MEI4: variants seen among roughly 807,000 people sequenced by gnomAD.
The protein encoded by MEI4 is meiosis-specific protein MEI4.
MEI4 carries 27 observed loss-of-function variants against 31.4 expected under a neutral mutation model. The observed-to-expected ratio is 0.86, with a 90% CI of 0.63 to 1.19. The LOEUF (loss-of-function observed/expected upper bound fraction) is 1.19. Among genes scored for constraint, MEI4 ranks in the 50% most tolerant of loss-of-function variants. MEI4 has a pLI of 0.00. For missense variants in MEI4, 329 were observed against 398.9 expected (o/e 0.82, Z 1.49); for synonymous variants, 122 against 145.4 (o/e 0.84, Z 1.16).
intron 3 of MEI4, among the ~76,000 whole-genome samples, chr6:77,824,059 A>G (rs1391904776): frequency 2.0e-5 from 3 of 152,198 alleles, no homozygotes; most frequent in African/African-American, 7.2e-5. Flanking sequence ...GATATGATAC[A>G]TTTGGGTATG....
intron 4 of MEI4, among the ~76,000 whole-genome samples, chr6:77,910,714 G>C (rs910723521): frequency 2.0e-5 from 3 of 151,974 alleles, no homozygotes; most frequent in African/African-American, 4.8e-5. Context: ...TTGTGAATAG[G>C]GTTCCAGTGA....
chr6:77,773,847 A>G (rs1018011940), intron 3 of MEI4, among the ~76,000 whole-genome samples: 4 of 152,014 alleles, frequency 2.6e-5, no homozygotes, highest in Non-Finnish European at 5.9e-5. Context: ...TGATTTTTAA[A>G]TGGGCAAATA....
chr6:77,803,820 C>G (rs1000015377), intron 3 of MEI4, among the ~76,000 whole-genome samples: 1 of 152,128 alleles, frequency 6.6e-6, no homozygotes, highest in East Asian at 1.9e-4. Context: ...GCTGCCCGAT[C>G]GTTCCTATGG....
intron 2 of MEI4, among the ~76,000 whole-genome samples, chr6:77,702,266 G>A (rs937785254): frequency 2.6e-5 from 4 of 152,138 alleles, no homozygotes; most frequent in African/African-American, 9.7e-5. Flanking sequence ...CTGACTTACC[G>A]ACACAACTGT....
intron 4 of MEI4, among the ~76,000 whole-genome samples, chr6:77,872,016 A>G (rs1338411508): frequency 2.6e-5 from 4 of 152,228 alleles, no homozygotes; most frequent in Non-Finnish European, 5.9e-5. Flanking sequence ...AATTTCCCCA[A>G]GACTCCAAGT....
intron 1 of MEI4, among the ~76,000 whole-genome samples, chr6:77,669,670 C>T (rs1025170682): frequency 6.6e-6 from 1 of 152,202 alleles, no homozygotes; most frequent in Non-Finnish European, 1.5e-5. Flanking sequence ...TACACATCCT[C>T]CTAAATATAC....
At chr6:77,909,493 C>G (rs979272820) in intron 4 of MEI4, among the ~76,000 whole-genome samples, 1 of 152,054 alleles carries the variant, frequency 6.6e-6, no homozygotes, top group Non-Finnish European at 1.5e-5. Flanking sequence ...ATACACCCTC[C>G]CAAGACTAAA....
chr6:77,886,967 T>C (rs1467513135), intron 4 of MEI4, among the ~76,000 whole-genome samples: 1 of 152,138 alleles, frequency 6.6e-6, no homozygotes, highest in Non-Finnish European at 1.5e-5. Flanking sequence ...AGTTCTGCTC[T>C]ATTCCTTATT....
In MEI4 at chr6:77,788,141, A is replaced by G. The variant is rs557635465; in HGVS notation, c.768+26476A>G. Among the ~76,000 whole-genome samples, 158 of 152,358 alleles carry G rather than the reference A, an allele frequency of 1.0e-3. 1 individual carries two copies. In the South Asian group the frequency reaches 0.012, roughly 12 times the overall value. On this transcript the variant is annotated intron_variant, in intron 3 of 4. Coordinates refer to ENST00000684080, the MANE Select transcript of MEI4 (RefSeq NM_001322247.2). The stretch of plus-strand genomic sequence containing the variant: ...GTAATCCAGCATATAAACAGAACCA[A>G]TGACAAAAACCACATGATTATCTCA...
At chr6:77,861,618 T>C (rs2127721296) in intron 4 of MEI4, among the ~76,000 whole-genome samples, 1 of 152,316 alleles carries the variant, frequency 6.6e-6, no homozygotes, top group Non-Finnish European at 1.5e-5. Context: ...ATGTTGCAAG[T>C]GCATTCTCTG....
At chr6:77,728,037 G>A (rs1766871105) in intron 2 of MEI4, among the ~76,000 whole-genome samples, 1 of 152,228 alleles carries the variant, frequency 6.6e-6, no homozygotes, top group Non-Finnish European at 1.5e-5. Context: ...GACGAATGTG[G>A]TTGAGAGAGT....
At chr6:77,773,299 G>A (rs918108560) in intron 3 of MEI4, among the ~76,000 whole-genome samples, 42 of 151,962 alleles carry the variant, frequency 2.8e-4, no homozygotes, top group South Asian at 6.2e-4. Flanking sequence ...GAGAGCTGTA[G>A]TCATCAAAAT....
intron 4 of MEI4, among the ~76,000 whole-genome samples, chr6:77,865,082 G>C (rs1443462371): frequency 3.3e-5 from 5 of 152,130 alleles, no homozygotes; most frequent in Non-Finnish European, 7.3e-5. Flanking sequence ...ATTCAAAGCA[G>C]TGTGTAGAGG....
intron 2 of MEI4, among the ~76,000 whole-genome samples, chr6:77,751,004 C>G (rs1767757787): frequency 6.6e-6 from 1 of 152,144 alleles, no homozygotes; most frequent in South Asian, 2.1e-4. Flanking sequence ...GAACAACCTG[C>G]TCCTGAATGA....
intron 1 of MEI4, among the ~76,000 whole-genome samples, chr6:77,664,536 G>A (rs1768582196): frequency 1.3e-5 from 2 of 152,058 alleles, no homozygotes; most frequent in Admixed American, 6.6e-5. Flanking sequence ...GAGGGGAGGC[G>A]ATAAAAAGAT....
chr6:77,654,886 TA>T (rs1268123994), intron 1 of MEI4, among the ~76,000 whole-genome samples: 2 of 152,080 alleles, frequency 1.3e-5, no homozygotes, highest in African/African-American at 2.4e-5. Context: ...TTTTTCTTTT[TA>T]TTTTTTTGTT....
At chr6:77,658,188 A>T (rs1446523279) in intron 1 of MEI4, among the ~76,000 whole-genome samples, 1 of 151,972 alleles carries the variant, frequency 6.6e-6, no homozygotes, top group Admixed American at 6.6e-5. Flanking sequence ...GTTAAGAGCA[A>T]TGTTTTGCGG....
At chr6:77,840,596 TAATTTTTAA>T (rs1461791162) in intron 4 of MEI4, among the ~76,000 whole-genome samples, 2 of 152,156 alleles carry the variant, frequency 1.3e-5, no homozygotes, top group African/African-American at 4.8e-5. Context: ...CTTTTATATT[TAATTTTTAA>T]AATTTTTAAT....
chr6:77,922,808 AAGTATTCTCAGATTCATTTG>A (rs1766736104), intron 4 of MEI4, among the ~76,000 whole-genome samples: 1 of 151,764 alleles, frequency 6.6e-6, no homozygotes. Context: ...ACCCCTTGCC[AAGTATTCTCAGATTCATTTG>A]AGTATTCTCT....
Sources: allele counts gnomAD v4.1 joint callset (sites outside exome capture counted in the v4.1 genomes callset), GRCh38; gene constraint gnomAD v4.1.1; transcripts MANE v1.5; gene names NCBI Gene and HGNC (gene_info 2026-07-23, HGNC 2026-07-21).